PRDM6: variants seen among roughly 807,000 people sequenced by gnomAD.
The protein encoded by PRDM6 is putative histone-lysine N-methyltransferase PRDM6.
In PRDM6, 25 loss-of-function variants were observed where a neutral mutation model predicts 60.8. The observed-to-expected ratio is 0.41, with a 90% CI of 0.30 to 0.57. The LOEUF (loss-of-function observed/expected upper bound fraction) is 0.57, where lower values mean the gene tolerates loss of function less well. PRDM6 is among the 20% of genes least tolerant of loss of function. The pLI, the probability that PRDM6 is intolerant of heterozygous loss-of-function variation, is 0.27. For synonymous variants in PRDM6, 407 were observed against 357.4 expected, an observed-to-expected ratio of 1.14 and a Z score of -1.57; for missense variants, 839 against 821.3, an observed-to-expected ratio of 1.02 and a Z score of -0.26.
intron 7 of PRDM6, among the ~76,000 whole-genome samples, chr5:123,186,177 T>G (rs1766285063): frequency 6.6e-6 from 1 of 152,038 alleles, no homozygotes; most frequent in Non-Finnish European, 1.5e-5. Flanking sequence ...GTGTGTGTAT[T>G]TACACACACA....
intron 4 of PRDM6, among the ~76,000 whole-genome samples, chr5:123,156,903 G>A (rs1035646345): frequency 2.0e-4 from 30 of 152,106 alleles, no homozygotes; most frequent in African/African-American, 6.0e-4. Flanking sequence ...CCTCGAAAAC[G>A]TGTGCTATAT....
chr5:123,170,740 C>A, intron 5 of PRDM6, 26 bp from the exon 6 acceptor site: 4 of 1,461,994 alleles, frequency 2.7e-6, no homozygotes, highest in Non-Finnish European at 2.8e-6. Flanking sequence ...TAAAACTGTT[C>A]TTCTAAACTG....
Position 123,090,606 on chromosome 5 carries a change from C to A in PRDM6, c.592C>A (p.Arg198Ser), listed in dbSNP as rs1267922364. ...LNQHTSDPNN[R>S]CDMCADNRNG... ...CCAGCACACCAGCGACCCCAACAAC[C>A]GTACGTAGCCGCAGCCCGCGCGCTC... Residue 198 changes from arginine (R) to serine (S), a missense_variant and splice_region_variant, in exon 2 of 8, where the codon CGT (arginine) becomes AGT (serine). By Grantham distance (110) the Arg-to-Ser change is moderately radical. This residue lies in a region of PRDM6 where 730 missense variants were observed against 648.8 expected (regional missense o/e 1.13). Transcript: ENST00000407847. 8 of 1,518,774 alleles carry A rather than the reference C, an allele frequency of 5.3e-6. 1 individual carries two copies. The East Asian group carries it at 1.8e-4, about 35-fold the overall frequency. 94.1% of individuals were successfully genotyped at this position (1,518,774 alleles called of 1,614,324 possible).
At chr5:123,174,413 A>G (rs762571495) in intron 6 of PRDM6, among the ~76,000 whole-genome samples, 8 of 152,240 alleles carry the variant, frequency 5.3e-5, no homozygotes, top group Non-Finnish European at 5.9e-5. Context: ...TTATTTTGAT[A>G]GGAAAATCTT....
chr5:123,126,917 G>T (rs978913715), intron 3 of PRDM6, among the ~76,000 whole-genome samples: 3 of 152,040 alleles, frequency 2.0e-5, no homozygotes, highest in African/African-American at 7.3e-5. Flanking sequence ...TCTTCTTTTG[G>T]GGTGAGGACT....
Position 123,090,222 on chromosome 5 carries a change from C to G in PRDM6, c.208C>G (p.Arg70Gly). ...CGCTGAGCCTCCGCCGGACAGCCTG[C>G]GCCCGCGGCCCGCCTCTCTCTCCTC... ...ERAEPPPDSL[R>G]PRPASLSSAS... Residue 70 changes from arginine (R) to glycine (G), a missense_variant, in exon 2 of 8, where the codon CGC becomes GGC. Arg to Gly is a moderately radical substitution (Grantham distance 125, BLOSUM62 -2). Transcript: ENST00000407847. 1 of 1,473,824 alleles carries G rather than the reference C, an allele frequency of 6.8e-7. No homozygotes were observed. The highest frequency in any genetic ancestry group is 9.0e-7 in the Non-Finnish European group (1 of 1,114,178). The allele number at this position is 1,473,824 out of a possible 1,614,324, so 91.3% of individuals were successfully genotyped here. A position where few individuals can be genotyped will look rare whatever the true frequency, so the allele number is the denominator to read the frequency against.
At chr5:123,171,944 C>G (rs1026446927) in intron 6 of PRDM6, among the ~76,000 whole-genome samples, 1 of 152,178 alleles carries the variant, frequency 6.6e-6, no homozygotes, top group Non-Finnish European at 1.5e-5. Context: ...GTTTTTATCT[C>G]TCCTTCATGT....
intron 3 of PRDM6, among the ~76,000 whole-genome samples, chr5:123,132,404 T>TTG (rs10692721): frequency 0.24 from 36,014 of 151,078 alleles, 4,544 homozygotes; most frequent in Middle Eastern, 0.31. Flanking sequence ...ATGTGGGTGG[T>TTG]TGTGTGTGTG....
rs564162621 is a variant in PRDM6 at position 123,188,994 on chromosome 5, G to A, written c.*1793G>A. On this transcript the variant is annotated 3_prime_UTR_variant, in exon 8 of 8. Coordinates refer to ENST00000407847, the MANE Select transcript of PRDM6 (RefSeq NM_001136239.4). ...AAAAAAATGGCTAATTCTGACCTCT[G>A]TTGCCCAATCTCAAGCCATTCACCT... 1 of 152,248 alleles carries A rather than the reference G, an allele frequency of 6.6e-6. No homozygotes were observed. Among genetic ancestry groups the A allele is most frequent in the East Asian group, 1.9e-4 (1 of 5,186 alleles). 9.4% of individuals were successfully genotyped at this position (152,248 alleles called of 1,614,324 possible).
At chr5:123,137,596 A>C (rs1764990912) in intron 3 of PRDM6, among the ~76,000 whole-genome samples, 1 of 152,192 alleles carries the variant, frequency 6.6e-6, no homozygotes, top group Non-Finnish European at 1.5e-5. Context: ...CAATGAGAAC[A>C]CATGGACACA....
At chr5:123,183,542 G>A (rs1766214066) in intron 7 of PRDM6, among the ~76,000 whole-genome samples, 1 of 152,098 alleles carries the variant, frequency 6.6e-6, no homozygotes, top group Non-Finnish European at 1.5e-5. Context: ...GTAGATGATG[G>A]GCCTGTCAGC....
In PRDM6 at chr5:123,189,259, A is replaced by C. The variant is rs1177275979; in HGVS notation, c.*2058A>C. The C allele has an allele frequency of 1.3e-5, 2 of 152,260 alleles. No individual in the cohort carries two copies. The highest frequency in any genetic ancestry group is 2.9e-5 in the Non-Finnish European group (2 of 68,036). 9.4% of individuals were successfully genotyped at this position (152,260 alleles called of 1,614,324 possible). A position where few individuals can be genotyped will look rare whatever the true frequency, so the allele number is the denominator to read the frequency against. On this transcript the variant is annotated 3_prime_UTR_variant, in exon 8 of 8. Coordinates refer to ENST00000407847, the MANE Select transcript of PRDM6 (RefSeq NM_001136239.4). Reference sequence around the variant, plus strand: ...CAAGAAAAGGACAGATCAGCTTCACAGATGAGTAAGCTGTTCCATTTGTTA... The same window carrying C: ...CAAGAAAAGGACAGATCAGCTTCACCGATGAGTAAGCTGTTCCATTTGTTA...
intron 3 of PRDM6, among the ~76,000 whole-genome samples, chr5:123,148,356 C>T (rs532322283): frequency 2.6e-5 from 4 of 151,888 alleles, no homozygotes; most frequent in South Asian, 2.1e-4. Flanking sequence ...TCTTGGCATT[C>T]GAGACATTCC....
intron 5 of PRDM6, among the ~76,000 whole-genome samples, chr5:123,169,151 C>T (rs755550319): frequency 6.6e-6 from 1 of 152,176 alleles, no homozygotes; most frequent in Non-Finnish European, 1.5e-5. Context: ...TAATTTCATT[C>T]TCTTGACCAC....
At chr5:123,135,597 C>G (rs1223791992) in intron 3 of PRDM6, among the ~76,000 whole-genome samples, 3 of 152,122 alleles carry the variant, frequency 2.0e-5, no homozygotes, top group Admixed American at 2.0e-4. Context: ...CACCCTCCCT[C>G]CACCCCCTGC....
intron 3 of PRDM6, among the ~76,000 whole-genome samples, chr5:123,106,184 G>A (rs373649903): frequency 8.3e-4 from 126 of 152,340 alleles, no homozygotes; most frequent in African/African-American, 2.9e-3. Context: ...GCACACTATT[G>A]GCTGGAATCA....
chr5:123,154,568 A>G (rs1173822628), intron 3 of PRDM6, among the ~76,000 whole-genome samples: 2 of 152,232 alleles, frequency 1.3e-5, no homozygotes, highest in Non-Finnish European at 2.9e-5. Flanking sequence ...AATGACTAGT[A>G]AAAAGAAACT....
At chr5:123,096,625 G>T (rs1763965104) in intron 2 of PRDM6, among the ~76,000 whole-genome samples, 1 of 152,134 alleles carries the variant, frequency 6.6e-6, no homozygotes. Context: ...ACCCCTGTTG[G>T]GTGGACTAAT....
At position 123,160,498 on chromosome 5, in the gene PRDM6, A is replaced by G. The variant is rs144318087; in HGVS notation, c.1153+860A>G. On this transcript the variant is annotated intron_variant, in intron 5 of 7. Coordinates refer to ENST00000407847, the MANE Select transcript of PRDM6 (RefSeq NM_001136239.4). ...TATGCTACAAAAAGAAACAAAGATA[A>G]CAGATATCTTTTGATAATGGATAAG... Among the ~76,000 whole-genome samples the G allele has an allele frequency of 6.9e-3, 1,055 of 152,362 alleles. 11 individuals carry two copies. The highest frequency in any genetic ancestry group is 0.024 in the African/African-American group (994 of 41,590).
Sources: gnomAD v4.1 joint callset for allele counts (sites outside exome capture counted in the v4.1 genomes callset) on GRCh38, gnomAD v4.1.1 for gene constraint, gnomAD v4.1.1 regional missense constraint, MANE v1.5 for transcripts, NCBI Gene and HGNC (gene_info 2026-07-23, HGNC 2026-07-21) for gene names.